The following CSMD1 variants were observed in gnomAD, a reference collection of about 807,000 sequenced individuals.
The protein encoded by CSMD1 is CUB and sushi domain-containing protein 1.
In CSMD1, 213 loss-of-function variants were observed where a neutral mutation model predicts 417.5. The observed-to-expected ratio is 0.51, with a 90% confidence interval of 0.46 to 0.57. The LOEUF (loss-of-function observed/expected upper bound fraction) is 0.57. CSMD1 is among the 20% of genes least tolerant of loss of function. The pLI is 0.00. For synonymous variants in CSMD1, 2,862 were observed against 1,736.8 expected (o/e 1.65, Z -16.11); for missense variants, 6,923 against 4,529.7 (o/e 1.53, Z -15.17).
At chr8:3,509,749 G>A (rs1023182615) in intron 10 of CSMD1, among the ~76,000 whole-genome samples, 2 of 152,130 alleles carry the variant, frequency 1.3e-5, no homozygotes, top group East Asian at 1.9e-4. Flanking sequence ...GTGATATTTT[G>A]TTCTAGAATC....
At chr8:3,427,213 C>G (rs774427185) in intron 12 of CSMD1, among the ~76,000 whole-genome samples, 1 of 152,094 alleles carries the variant, frequency 6.6e-6, no homozygotes, top group African/African-American at 2.4e-5. Context: ...ACTGAATAAG[C>G]ATAACAAGAA....
intron 57 of CSMD1, among the ~76,000 whole-genome samples, chr8:2,972,615 C>T (rs1804556373): frequency 6.6e-6 from 1 of 152,172 alleles, no homozygotes; most frequent in Non-Finnish European, 1.5e-5. Context: ...GCCTCTCAAA[C>T]ATTAGAATCA....
chr8:3,083,610 T>TTATATATATA (rs1554507974), intron 49 of CSMD1, among the ~76,000 whole-genome samples: 24 of 30,900 alleles, frequency 7.8e-4, no homozygotes, highest in East Asian at 1.3e-3. Flanking sequence ...ACCATAATTT[T>TTATATATATA]TATATATATA....
intron 1 of CSMD1, among the ~76,000 whole-genome samples, chr8:4,659,920 C>T (rs2617027): frequency 0.56 from 85,116 of 151,632 alleles, 24,224 homozygotes; most frequent in Admixed American, 0.68. Flanking sequence ...CATAATTCAA[C>T]ACCCACTCAG....
chr8:3,126,857 T>C (rs1261146932), intron 41 of CSMD1, among the ~76,000 whole-genome samples: 1 of 152,126 alleles, frequency 6.6e-6, no homozygotes, highest in African/African-American at 2.4e-5. Flanking sequence ...AGCCTGCACA[T>C]GAAACGTGCT....
At chr8:3,847,718 T>C (rs1803605566) in intron 5 of CSMD1, among the ~76,000 whole-genome samples, 1 of 152,150 alleles carries the variant, frequency 6.6e-6, no homozygotes, top group Non-Finnish European at 1.5e-5. Context: ...TGCTTCCTTA[T>C]AGCAAGTCTC....
intron 1 of CSMD1, among the ~76,000 whole-genome samples, chr8:4,740,571 A>T (rs974084766): frequency 6.6e-6 from 1 of 152,168 alleles, no homozygotes; most frequent in African/African-American, 2.4e-5. Context: ...ATCATTTTTT[A>T]TTATGGTCTC....
At chr8:3,903,724 A>G (rs920769992) in intron 5 of CSMD1, among the ~76,000 whole-genome samples, 1 of 152,200 alleles carries the variant, frequency 6.6e-6, no homozygotes. Flanking sequence ...AGAAGCCAAC[A>G]GGACATCATC....
chr8:3,612,306 G>T (rs556367637), intron 8 of CSMD1, among the ~76,000 whole-genome samples: 2 of 152,042 alleles, frequency 1.3e-5, no homozygotes, highest in Non-Finnish European at 2.9e-5. Flanking sequence ...AATACATGAA[G>T]CAAAAACTGA....
chr8:4,967,017 C>G (rs1057390989), intron 1 of CSMD1, among the ~76,000 whole-genome samples: 1 of 152,180 alleles, frequency 6.6e-6, no homozygotes, highest in Non-Finnish European at 1.5e-5. Context: ...TATTGCATGG[C>G]AGGAAATTGA....
At chr8:3,311,777 C>T (rs7843299) in intron 23 of CSMD1, among the ~76,000 whole-genome samples, 4 of 148,898 alleles carry the variant, frequency 2.7e-5, no homozygotes, top group African/African-American at 4.9e-5. Flanking sequence ...TGTACAGAAG[C>T]GTTTATCAAT....
rs1489727328 is a variant in CSMD1 at position 3,772,743 on chromosome 8, C to A, written c.819-18701G>T. Among the ~76,000 whole-genome samples the A allele has an allele frequency of 6.7e-5, 10 of 148,380 alleles. No homozygotes were observed. The East Asian group carries it at 1.2e-3, about 17-fold the overall frequency. On this transcript the variant is annotated intron_variant, in intron 5 of 69. Transcript: ENST00000635120. ...TATATACACACACATATCAAACATACCTTCATTCAGCAAATATTGAACGAA... is the reference window on the plus strand; with the variant it reads ...TATATACACACACATATCAAACATAACTTCATTCAGCAAATATTGAACGAA...
intron 5 of CSMD1, among the ~76,000 whole-genome samples, chr8:3,759,636 G>A (rs1305359944): frequency 6.6e-6 from 1 of 151,446 alleles, no homozygotes; most frequent in Non-Finnish European, 1.5e-5. Flanking sequence ...GCTCACACCT[G>A]TAATTTCAGC....
intron 1 of CSMD1, among the ~76,000 whole-genome samples, chr8:4,950,346 G>T (rs1808657141): frequency 6.6e-6 from 1 of 151,266 alleles, no homozygotes; most frequent in East Asian, 2.0e-4. Context: ...TTAAAAGACA[G>T]ATTTTCAAAA....
intron 2 of CSMD1, among the ~76,000 whole-genome samples, chr8:4,589,377 A>AT (rs1416357657): frequency 6.6e-5 from 10 of 152,164 alleles, no homozygotes; most frequent in Non-Finnish European, 7.4e-5. Flanking sequence ...CACTCTTCTC[A>AT]GGGACTCTGA....
intron 3 of CSMD1, among the ~76,000 whole-genome samples, chr8:4,412,389 C>T (rs563916661): frequency 1.3e-5 from 2 of 152,292 alleles, no homozygotes; most frequent in Non-Finnish European, 2.9e-5. Flanking sequence ...CCGCATTTGC[C>T]ATGTGTTGCG....
intron 3 of CSMD1, among the ~76,000 whole-genome samples, chr8:4,311,092 A>T (rs773487712): frequency 6.6e-6 from 1 of 152,312 alleles, no homozygotes; most frequent in Admixed American, 6.5e-5. Flanking sequence ...GCAATGTGGC[A>T]TATCTTCAAA....
At chr8:4,684,742 C>G (rs1196525450) in intron 1 of CSMD1, among the ~76,000 whole-genome samples, 1 of 152,100 alleles carries the variant, frequency 6.6e-6, no homozygotes, top group Non-Finnish European at 1.5e-5. Context: ...ATATTTTGAA[C>G]TATAAATAAT....
At chr8:4,979,128 G>T (rs1158516336) in intron 1 of CSMD1, among the ~76,000 whole-genome samples, 4 of 152,130 alleles carry the variant, frequency 2.6e-5, no homozygotes, top group African/African-American at 9.7e-5. Context: ...TGACTCTACT[G>T]AGTCTCTAAT....
Sources: allele counts gnomAD v4.1 joint callset (sites outside exome capture counted in the v4.1 genomes callset), GRCh38; gene constraint gnomAD v4.1.1; transcripts MANE v1.5; gene names NCBI Gene and HGNC (gene_info 2026-07-23, HGNC 2026-07-21).